The following KHDRBS2 variants were observed in gnomAD, a reference collection of about 807,000 sequenced individuals.
KHDRBS2 encodes the protein KH domain-containing, RNA-binding, signal transduction-associated protein 2.
In KHDRBS2, 26 loss-of-function variants were observed where a neutral mutation model predicts 44.3. The observed-to-expected ratio is 0.59, with a 90% confidence interval of 0.43 to 0.81. The LOEUF (loss-of-function observed/expected upper bound fraction) is 0.81. KHDRBS2 is among the 40% of genes least tolerant of loss of function. The pLI, the probability that KHDRBS2 is intolerant of heterozygous loss-of-function variation, is 0.00. For missense variants in KHDRBS2, 476 were observed against 433.1 expected (o/e 1.10, Z -0.88); for synonymous variants, 194 against 151.1 (o/e 1.28, Z -2.08).
chr6:62,095,146 C>T (rs1800304236), intron 2 of KHDRBS2, among the ~76,000 whole-genome samples: 1 of 151,618 alleles, frequency 6.6e-6, no homozygotes, highest in African/African-American at 2.4e-5. Context: ...TGAAAATATT[C>T]TATATGTTTT....
intron 2 of KHDRBS2, among the ~76,000 whole-genome samples, 159 bp from the exon 3 acceptor site, chr6:62,048,153 CACACAA>C (rs1293733859): frequency 6.6e-6 from 1 of 151,132 alleles, no homozygotes; most frequent in African/African-American, 2.4e-5. Flanking sequence ...CACACACACA[CACACAA>C]ACCCCAAACC....
intron 2 of KHDRBS2, among the ~76,000 whole-genome samples, chr6:62,143,510 T>G (rs1186087255): frequency 1.3e-5 from 2 of 152,000 alleles, no homozygotes; most frequent in Non-Finnish European, 2.9e-5. Context: ...GACTTCATAG[T>G]CTACAACTAG....
chr6:62,170,448 C>T (rs1279192152), intron 2 of KHDRBS2, among the ~76,000 whole-genome samples: 1 of 152,130 alleles, frequency 6.6e-6, no homozygotes, highest in Non-Finnish European at 1.5e-5. Flanking sequence ...CATCCCTCTC[C>T]AAAGCATCAC....
At chr6:61,582,215 G>T in the KHDRBS2 span, among the ~76,000 whole-genome samples, 1 of 151,246 alleles carries the variant, frequency 6.6e-6, no homozygotes, top group South Asian at 2.1e-4. Flanking sequence ...CCAAACATAA[G>T]AACAATAAAT....
At chr6:61,891,029 T>G (rs1327149133) in intron 6 of KHDRBS2, among the ~76,000 whole-genome samples, 1 of 152,218 alleles carries the variant, frequency 6.6e-6, no homozygotes, top group Admixed American at 6.5e-5. Flanking sequence ...TTTACTTTAT[T>G]TTATAGTTAA....
chr6:62,038,342 G>A (rs1273261709), intron 3 of KHDRBS2, among the ~76,000 whole-genome samples: 2 of 149,874 alleles, frequency 1.3e-5, no homozygotes, highest in Admixed American at 6.6e-5. Context: ...TTCTTTTTTG[G>A]TCTTTCTTTG....
At chr6:62,129,012 A>G (rs1809630890) in intron 2 of KHDRBS2, among the ~76,000 whole-genome samples, 1 of 152,088 alleles carries the variant, frequency 6.6e-6, no homozygotes, top group Non-Finnish European at 1.5e-5. Context: ...TCACTGAATG[A>G]TAAATAGGAC....
chr6:61,720,282 G>A (rs997085246), intron 7 of KHDRBS2, among the ~76,000 whole-genome samples: 15 of 152,076 alleles, frequency 9.9e-5, no homozygotes, highest in Non-Finnish European at 2.1e-4. Flanking sequence ...GAGTCCTTTG[G>A]GTATATAACC....
At chr6:62,223,504 G>A (rs746368767) in intron 1 of KHDRBS2, among the ~76,000 whole-genome samples, 1 of 152,166 alleles carries the variant, frequency 6.6e-6, no homozygotes, top group Non-Finnish European at 1.5e-5. Context: ...TTGGCTCCTT[G>A]TTACTTATGC....
chr6:61,542,866 T>C, the KHDRBS2 span, among the ~76,000 whole-genome samples: 2 of 151,936 alleles, frequency 1.3e-5, no homozygotes, highest in African/African-American at 4.8e-5. Flanking sequence ...GATTTGGCCC[T>C]GCTGGAAACA....
At chr6:62,104,010 C>T (rs1802536259) in intron 2 of KHDRBS2, among the ~76,000 whole-genome samples, 1 of 152,126 alleles carries the variant, frequency 6.6e-6, no homozygotes, top group Middle Eastern at 3.4e-3. Context: ...GAGGGAAATA[C>T]AGATATACAT....
At chr6:61,843,229 T>A (rs1181794182) in intron 6 of KHDRBS2, among the ~76,000 whole-genome samples, 1 of 151,982 alleles carries the variant, frequency 6.6e-6, no homozygotes, top group Non-Finnish European at 1.5e-5. Flanking sequence ...TTCGAAGTGA[T>A]AAAAATGCTC....
At chr6:61,618,565 C>A in the KHDRBS2 span, among the ~76,000 whole-genome samples, 2 of 152,102 alleles carry the variant, frequency 1.3e-5, no homozygotes, top group Non-Finnish European at 2.9e-5. Context: ...TTTCATTTAT[C>A]TCCCAGGTAT....
chr6:62,103,676 C>T (rs1298764063), intron 2 of KHDRBS2, among the ~76,000 whole-genome samples: 1 of 152,042 alleles, frequency 6.6e-6, no homozygotes, highest in Non-Finnish European at 1.5e-5. Flanking sequence ...CTGTTCCTGG[C>T]TCCCTGTGGC....
chr6:61,544,943 G>A, the KHDRBS2 span, among the ~76,000 whole-genome samples: 1 of 152,186 alleles, frequency 6.6e-6, no homozygotes, highest in African/African-American at 2.4e-5. Flanking sequence ...GGTGGAGGGA[G>A]TGGCGAGGGA....
At chr6:62,111,655 G>A (rs1206842099) in intron 2 of KHDRBS2, among the ~76,000 whole-genome samples, 2 of 152,086 alleles carry the variant, frequency 1.3e-5, no homozygotes, top group Non-Finnish European at 1.5e-5. Context: ...TAGCTCCTTG[G>A]AGGATCACTT....
intron 6 of KHDRBS2, among the ~76,000 whole-genome samples, chr6:61,846,938 A>G (rs1794504780): frequency 6.6e-6 from 1 of 152,130 alleles, no homozygotes; most frequent in Non-Finnish European, 1.5e-5. Flanking sequence ...GTAATATGAT[A>G]GCTATCAAAT....
chr6:61,633,385 T>G, the KHDRBS2 span, among the ~76,000 whole-genome samples: 2 of 152,114 alleles, frequency 1.3e-5, no homozygotes, highest in African/African-American at 4.8e-5. Context: ...CTTTACACAC[T>G]GTGAGGATAT....
intron 3 of KHDRBS2, among the ~76,000 whole-genome samples, chr6:62,016,750 C>G (rs1781287371): frequency 6.6e-6 from 1 of 151,750 alleles, no homozygotes; most frequent in Admixed American, 6.6e-5. Context: ...GACCTAACAT[C>G]ACTGGACACT....
Sources: allele counts gnomAD v4.1 joint callset (sites outside exome capture counted in the v4.1 genomes callset), GRCh38; gene constraint gnomAD v4.1.1; transcripts MANE v1.5; gene names NCBI Gene and HGNC (gene_info 2026-07-23, HGNC 2026-07-21).